The following FAM120B variants were observed in gnomAD, a reference collection of about 807,000 sequenced individuals.
FAM120B encodes family with sequence similarity 120 member B.
FAM120B carries 83 observed loss-of-function variants against 96.3 expected under a neutral mutation model. That is an observed-to-expected ratio of 0.86 (90% CI 0.72 to 1.03). The LOEUF (loss-of-function observed/expected upper bound fraction) is 1.03, where lower values mean the gene tolerates loss of function less well. Ranked by LOEUF, FAM120B falls within the 50% of genes least tolerant of loss-of-function variation. The pLI, the probability that FAM120B is intolerant of heterozygous loss-of-function variation, is 0.00. For synonymous variants in FAM120B, 407 were observed against 402.7 expected (o/e 1.01, Z -0.13); for missense variants, 1,027 against 1,121.2 (o/e 0.92, Z 1.20).
At chr6:170,395,174 C>T (rs1790661932) in intron 8 of FAM120B, among the ~76,000 whole-genome samples, 2 of 152,138 alleles carry the variant, frequency 1.3e-5, no homozygotes, top group Admixed American at 6.5e-5. Context: ...GCGCCATGGC[C>T]TGCATGGGTC....
In FAM120B at chr6:170,318,692, G is replaced by A. The variant is rs1785088019; in HGVS notation, c.1302G>A (p.Arg434=). The A allele has an allele frequency of 6.3e-7, 1 of 1,593,318 alleles. No individual in the cohort carries two copies. The highest frequency in any genetic ancestry group is 1.3e-5 in the African/African-American group (1 of 74,226). ...CCATGTATACAGACTCTGAACCCAGGCAAGAAGTTCCCATGTATACAGACT... is the reference window on the plus strand; with the variant it reads ...CCATGTATACAGACTCTGAACCCAGACAAGAAGTTCCCATGTATACAGACT... The part of the protein sequence containing the change: ...EVPMYTDSEP[R]QEVPMYTDSE... Residue 434 remains arginine, a synonymous_variant, in exon 2 of 11, where the codon AGG becomes AGA. Transcript: ENST00000476287.
At chr6:170,381,782 C>A (rs1346265468) in intron 6 of FAM120B, among the ~76,000 whole-genome samples, 1 of 148,072 alleles carries the variant, frequency 6.8e-6, no homozygotes, top group Non-Finnish European at 1.5e-5. Context: ...AAGGATTTGA[C>A]AAAATTCAGT....
chr6:170,380,570 C>T (rs114215094), intron 6 of FAM120B, among the ~76,000 whole-genome samples: 2,210 of 152,314 alleles, frequency 0.015, 53 homozygotes, highest in African/African-American at 0.051. Flanking sequence ...GATTTCACAC[C>T]GTGGGTTTGA....
chr6:170,351,910 T>C (rs910963891), intron 5 of FAM120B, among the ~76,000 whole-genome samples: 1 of 152,188 alleles, frequency 6.6e-6, no homozygotes, highest in African/African-American at 2.4e-5. Context: ...ACTAGCATCA[T>C]GATGACAGGA....
At chr6:170,311,292 T>C (rs1784575029) in intron 1 of FAM120B, among the ~76,000 whole-genome samples, 1 of 152,246 alleles carries the variant, frequency 6.6e-6, no homozygotes, top group Non-Finnish European at 1.5e-5. Flanking sequence ...CTTTCATTCA[T>C]CTGGCCCCAA....
chr6:170,380,257 A>G (rs991721783), intron 6 of FAM120B, among the ~76,000 whole-genome samples: 9 of 151,576 alleles, frequency 5.9e-5, no homozygotes, highest in African/African-American at 2.2e-4. Context: ...TCATCAGTTG[A>G]TAGATGCTTA....
chr6:170,295,442 G>T lies in FAM120B; in HGVS notation c.37G>T (p.Gly13Cys), dbSNP rs1256947188. ...TCGAGGCTCCACCAGCGCTGGCGCA[G>T]GCAGGAAGGAGGTGAGCGCCGCCCG... is the stretch of plus-strand genomic sequence containing the variant. Residue 13 changes from glycine (G) to cysteine (C), a missense_variant, in exon 1 of 11, where the codon GGC (glycine) becomes TGC (cysteine). Transcript: ENST00000537664. The surrounding 1 kb of genome is among the most constrained non-coding windows in gnomAD (Gnocchi z 7.8). 2 of 701,742 alleles carry T rather than the reference G, an allele frequency of 2.9e-6. No individual in the cohort carries two copies. The highest frequency in any genetic ancestry group is 5.2e-6 in the Non-Finnish European group (2 of 384,632). The allele number at this position is 701,742 out of a possible 1,614,324, so 43.5% of individuals were successfully genotyped here. A position where few individuals can be genotyped will look rare whatever the true frequency, so the allele number is the denominator to read the frequency against.
chr6:170,319,817 G>A (rs900951106), intron 2 of FAM120B, among the ~76,000 whole-genome samples: 12 of 152,216 alleles, frequency 7.9e-5, no homozygotes, highest in Admixed American at 7.2e-4. Flanking sequence ...ACGCGGGGGC[G>A]CAGGGAGAAA....
At chr6:170,395,381 C>T (rs566396244) in intron 8 of FAM120B, 106 bp from the exon 9 acceptor site, 21 of 864,862 alleles carry the variant, frequency 2.4e-5, no homozygotes, top group East Asian at 1.9e-4. Context: ...GATTTAAGTA[C>T]GGGGATACTG....
intron 6 of FAM120B, among the ~76,000 whole-genome samples, chr6:170,361,200 A>ATATATACATG (rs1788361485): frequency 2.1e-5 from 1 of 47,818 alleles, no homozygotes; most frequent in African/African-American, 1.4e-4. Context: ...ATATACGTGT[A>ATATATACATG]TATATATATA....
intron 6 of FAM120B, among the ~76,000 whole-genome samples, chr6:170,372,843 A>G (rs543638690): frequency 6.6e-6 from 1 of 152,362 alleles, no homozygotes; most frequent in African/African-American, 2.4e-5. Context: ...TTTAGTTATA[A>G]AATCAAACTA....
intron 9 of FAM120B, among the ~76,000 whole-genome samples, chr6:170,402,273 C>T (rs987156921): frequency 6.6e-6 from 1 of 152,242 alleles, no homozygotes; most frequent in African/African-American, 2.4e-5. Flanking sequence ...CAGAGGTCCT[C>T]CCTAGACTCT....
chr6:170,391,473 T>G lies in FAM120B; in HGVS notation c.2599+352T>G, dbSNP rs182328144. ...TCACTTGAACCTGGGAGGTGGAGGT[T>G]GCAGTGAGCCAAGATCACGTCACTG... On this transcript the variant is annotated intron_variant, in intron 8 of 10. Coordinates refer to ENST00000476287, the MANE Select transcript of FAM120B (RefSeq NM_032448.3). Among the ~76,000 whole-genome samples, 342 of 151,986 alleles carry G rather than the reference T, an allele frequency of 2.3e-3. 2 individuals are homozygous for G. Among genetic ancestry groups the G allele is most frequent in the Middle Eastern group, 0.014 (4 of 294 alleles).
chr6:170,301,667 T>A (rs902944289), intron 1 of FAM120B, among the ~76,000 whole-genome samples: 9 of 152,178 alleles, frequency 5.9e-5, no homozygotes, highest in African/African-American at 1.9e-4. Flanking sequence ...CCCTAAATCA[T>A]CTCTCTCAAG....
chr6:170,373,308 C>T (rs1436240616), intron 6 of FAM120B, among the ~76,000 whole-genome samples: 1 of 152,190 alleles, frequency 6.6e-6, no homozygotes, highest in Non-Finnish European at 1.5e-5. Context: ...TTGGGTTGGA[C>T]AAGCCAAAGG....
chr6:170,344,120 C>T (rs189117867), intron 4 of FAM120B, among the ~76,000 whole-genome samples: 4 of 135,376 alleles, frequency 3.0e-5, no homozygotes, highest in Admixed American at 2.2e-4. Flanking sequence ...CCGTTGCCTG[C>T]GGTGCTAGCC....
intron 5 of FAM120B, among the ~76,000 whole-genome samples, chr6:170,352,973 G>T (rs373854393): frequency 5.3e-5 from 8 of 151,372 alleles, no homozygotes; most frequent in African/African-American, 1.9e-4. Context: ...TAAATTAATA[G>T]ACCACTAGCT....
rs745561142 is a variant in FAM120B at position 170,317,871 on chromosome 6, T to G, written c.481T>G (p.Tyr161Asp). 4 of 1,614,100 alleles carry G rather than the reference T, an allele frequency of 2.5e-6. No homozygotes were observed. Among genetic ancestry groups the G allele is most frequent in the Admixed American group, 1.7e-5 (1 of 60,006 alleles). The change falls in exon 2 of 11, where the codon TAT becomes GAT. Residue 161 changes from tyrosine to aspartate, a missense_variant. Physicochemically the swap from Tyr to Asp is radical, Grantham distance 160. Around this residue, in one of 3 missense-constraint regions of FAM120B, gnomAD observed 880 missense variants for 980.9 expected, o/e 0.90. Transcript: ENST00000476287. ...ETLCSLQEADYEVASYGLQHN... is the reference protein window; with the variant it reads ...ETLCSLQEADDEVASYGLQHN... ...TTTGTGTTCTTTGCAGGAAGCAGATTATGAGGTAGCTTCCTATGGCCTCCA... is the reference window on the plus strand; with the variant it reads ...TTTGTGTTCTTTGCAGGAAGCAGATGATGAGGTAGCTTCCTATGGCCTCCA...
At chr6:170,349,343 C>A (rs150778328) in intron 5 of FAM120B, among the ~76,000 whole-genome samples, 10 of 152,296 alleles carry the variant, frequency 6.6e-5, no homozygotes, top group African/African-American at 2.2e-4. Context: ...CTGGAATAGA[C>A]AATTATATAA....
Sources: allele counts gnomAD v4.1 joint callset (sites outside exome capture counted in the v4.1 genomes callset), GRCh38; gene constraint gnomAD v4.1.1; regional missense constraint gnomAD v4.1.1; non-coding constraint Gnocchi (gnomAD v3.1); transcripts MANE v1.5; gene names NCBI Gene and HGNC (gene_info 2026-07-23, HGNC 2026-07-21).